Variants in ALOXE3 observed in about 807,000 individuals in gnomAD.
ALOXE3 encodes arachidonate epidermal lipoxygenase 3, also known as hydroperoxide isomerase ALOXE3.
Under a neutral mutation model 87.5 loss-of-function variants are expected in ALOXE3, and 78 were observed. That is an observed-to-expected ratio of 0.89 (90% CI 0.74 to 1.08). ALOXE3 has a LOEUF of 1.08. ALOXE3 is among the 50% of genes least tolerant of loss of function. ALOXE3 has a pLI of 0.00. For synonymous variants in ALOXE3, 363 were observed against 370.8 expected, an observed-to-expected ratio of 0.98 and a Z score of 0.24; for missense variants, 946 against 912.4, an observed-to-expected ratio of 1.04 and a Z score of -0.47.
intron 4 of ALOXE3, 39 bp from the exon 5 acceptor site, chr17:8,115,096 C>T (rs544794885): frequency 8.7e-6 from 14 of 1,613,240 alleles, no homozygotes; most frequent in Admixed American, 1.7e-5. Flanking sequence ...AGGTCATGCT[C>T]GGGATAAACA....
At position 8,103,364 on chromosome 17, in the gene ALOXE3, G is replaced by C; in HGVS notation, c.1915C>G (p.Leu639Val). ...LPEVNISCNN[L>V]LLFWLVSQEP... ...TGGCTAACCAACCAGAAGAGGAGGA[G>C]GTTGTTACAGCTGATGTTCACTTCA... is the stretch of plus-strand genomic sequence containing the variant. The change falls in exon 15 of 16, where the codon CTC (leucine) becomes GTC (valine). Residue 639 changes from leucine to valine, a missense_variant. Physicochemically the swap from Leu to Val is conservative, Grantham distance 32 (BLOSUM62 1). Transcript: ENST00000448843. 1 of 1,614,084 alleles carries C rather than the reference G, an allele frequency of 6.2e-7. No homozygotes were observed. Among genetic ancestry groups the C allele is most frequent in the Non-Finnish European group, 8.5e-7 (1 of 1,180,004 alleles).
At position 8,095,918 on chromosome 17, in the gene ALOXE3, G is replaced by C. The variant is rs1351456498; in HGVS notation, c.*709C>G. The C allele has an allele frequency of 6.6e-6, 1 of 152,182 alleles. No individual in the cohort carries two copies. The highest frequency in any genetic ancestry group is 6.6e-5 in the Admixed American group (1 of 15,236). The allele number at this position is 152,182 out of a possible 1,614,324, so 9.4% of individuals were successfully genotyped here. On this transcript the variant is annotated 3_prime_UTR_variant, in exon 16 of 16. Coordinates refer to ENST00000448843, the MANE Select transcript of ALOXE3 (RefSeq NM_021628.3). The stretch of plus-strand genomic sequence containing the variant: ...AACAAAATGAGAGCCAAATATTTTG[G>C]TTTTTATTGAACTCACTGGGCTCAA...
chr17:8,118,402 C>A (rs775360997), intron 1 of ALOXE3, 84 bp downstream of exon 1: 1 of 1,550,966 alleles, frequency 6.4e-7, no homozygotes, highest in Admixed American at 2.0e-5. Flanking sequence ...CGGACTGATG[C>A]CCTGGAGTGC....
intron 8 of ALOXE3, 140 bp from the exon 9 acceptor site, chr17:8,110,668 G>T: frequency 8.1e-7 from 1 of 1,236,160 alleles, no homozygotes; most frequent in Non-Finnish European, 1.1e-6. Flanking sequence ...TGAATTAATG[G>T]CCAAAGTGGG....
chr17:8,110,460 G>C lies in ALOXE3; in HGVS notation c.1026C>G (p.Arg342=). The C allele has an allele frequency of 1.2e-6, 2 of 1,613,664 alleles. No homozygotes were observed. Among genetic ancestry groups the C allele is most frequent in the Non-Finnish European group, 1.7e-6 (2 of 1,179,756 alleles). The part of the protein sequence containing the change: ...AEAPTHCLNG[R]QQYVAAPLCL... The stretch of plus-strand genomic sequence containing the variant: ...ACAGTGGGGCGGCCACGTACTGCTG[G>C]CGGCCGTTTAGGCAGTGGGTGGGGG... The change falls in exon 9 of 16, where the codon CGC becomes CGG. Residue 342 remains arginine, a synonymous_variant. Coordinates refer to ENST00000448843, the MANE Select transcript of ALOXE3 (RefSeq NM_021628.3).
At chr17:8,102,267 G>T (rs1194131904) in intron 15 of ALOXE3, among the ~76,000 whole-genome samples, 2 of 152,158 alleles carry the variant, frequency 1.3e-5, no homozygotes, top group Non-Finnish European at 2.9e-5. Flanking sequence ...GGCCAAGATG[G>T]GTGGATCACA....
chr17:8,115,735 A>T (rs1476146153), intron 3 of ALOXE3, 47 bp from the exon 4 acceptor site: 11 of 1,571,050 alleles, frequency 7.0e-6, no homozygotes, highest in African/African-American at 1.4e-5. Context: ...TTTTCCAACA[A>T]CATCTTCTGC....
intron 13 of ALOXE3, among the ~76,000 whole-genome samples, chr17:8,106,509 G>C (rs1020876835): frequency 6.6e-6 from 1 of 151,908 alleles, no homozygotes; most frequent in African/African-American, 2.4e-5. Flanking sequence ...GCAAGACCCT[G>C]TCTCAAAAAA....
intron 3 of ALOXE3, 124 bp from the exon 4 acceptor site, chr17:8,115,812 C>T (rs574090919): frequency 4.7e-5 from 43 of 908,980 alleles, no homozygotes; most frequent in African/African-American, 3.9e-4. Context: ...AAACACGTGG[C>T]GGTGCCCCCA....
rs1169729616 is a variant in ALOXE3 at position 8,107,964 on chromosome 17, A to G, written c.1684+504T>C. ...AAGAAAGAAAGAAAGAAAGAAAGGAAGGAGAGAGAGAGAGAGAGAAAGAAA... is the reference window on the plus strand; with the variant it reads ...AAGAAAGAAAGAAAGAAAGAAAGGAGGGAGAGAGAGAGAGAGAGAAAGAAA... On this transcript the variant is annotated intron_variant, in intron 13 of 15. Transcript: ENST00000448843. Among the ~76,000 whole-genome samples the G allele has an allele frequency of 8.2e-3, 18 of 2,196 alleles. 7 individuals carry two copies. Among genetic ancestry groups the G allele is most frequent in the South Asian group, 0.064 (7 of 110 alleles). The allele number at this position is 2,196 out of a possible 152,430, so 1.4% of individuals were successfully genotyped here. A position where few individuals can be genotyped will look rare whatever the true frequency, so the allele number is the denominator to read the frequency against.
At chr17:8,109,130 A>G in intron 12 of ALOXE3, 44 bp downstream of exon 12, 2 of 1,608,386 alleles carry the variant, frequency 1.2e-6, no homozygotes, top group South Asian at 1.1e-5. Context: ...GTCCCAGGCC[A>G]GGAGACCCTG....
chr17:8,115,693 G>A lies in ALOXE3; in HGVS notation c.353-5C>T. Reference sequence around the variant, plus strand: ...AGTCCTGACAAATAGTTCTTGCTGTGGGGAATGAAAATTACTCTTGGTATA... The same window carrying A: ...AGTCCTGACAAATAGTTCTTGCTGTAGGGAATGAAAATTACTCTTGGTATA... On this transcript the variant is annotated splice_region_variant and splice_polypyrimidine_tract_variant and intron_variant, in intron 3 of 15. Transcript: ENST00000448843. The A allele has an allele frequency of 6.2e-7, 1 of 1,611,716 alleles. No individual in the cohort carries two copies. Among genetic ancestry groups the A allele is most frequent in the South Asian group, 1.1e-5 (1 of 91,028 alleles).
intron 13 of ALOXE3, among the ~76,000 whole-genome samples, chr17:8,107,293 G>C (rs1005912542): frequency 6.6e-6 from 1 of 152,216 alleles, no homozygotes; most frequent in African/African-American, 2.4e-5. Context: ...GAGGTGGGCA[G>C]ATCACCTGAG....
intron 15 of ALOXE3, among the ~76,000 whole-genome samples, chr17:8,101,716 A>G (rs913461313): frequency 1.3e-5 from 2 of 151,730 alleles, no homozygotes; most frequent in East Asian, 1.9e-4. Flanking sequence ...GGCTCACTGC[A>G]TTTTTTTACT....
In ALOXE3 at chr17:8,096,606, T is replaced by C; in HGVS notation, c.*21A>G. 9.2e-7 allele frequency: 1 copy of C among 1,083,288 alleles called. No homozygotes were observed. The highest frequency in any genetic ancestry group is 1.4e-6 in the Non-Finnish European group (1 of 695,388). The allele number at this position is 1,083,288 out of a possible 1,614,324, so 67.1% of individuals were successfully genotyped here. The stretch of plus-strand genomic sequence containing the variant: ...CTCATGCTTGGACCTTTCTTTCTTC[T>C]TGGGTGGTATTTGGGGGTGGTTAGA... On this transcript the variant is annotated 3_prime_UTR_variant, in exon 16 of 16. Transcript: ENST00000448843.
intron 8 of ALOXE3, among the ~76,000 whole-genome samples, chr17:8,111,057 A>T (rs1282449667): frequency 6.6e-6 from 1 of 152,074 alleles, no homozygotes; most frequent in East Asian, 1.9e-4. Context: ...AGGCCTCAGC[A>T]CCTCTTCAGG....
rs1457354017 is a variant in ALOXE3 at position 8,117,916 on chromosome 17, T to C, written c.75A>G (p.Thr25=). ...GGCTTTCACCACACGTGCCCACCAG[T>C]GTGACAGAGATGTTGTCCAGTGTGC... is the stretch of plus-strand genomic sequence containing the variant. ...RAGTLDNISV[T]LVGTCGESPK... Residue 25 remains threonine, a synonymous_variant, in exon 2 of 16, where the codon ACA becomes ACG. Coordinates refer to ENST00000448843, the MANE Select transcript of ALOXE3 (RefSeq NM_021628.3). 1 of 1,612,288 alleles carries C rather than the reference T, an allele frequency of 6.2e-7. No homozygotes were observed. The highest frequency in any genetic ancestry group is 1.1e-5 in the South Asian group (1 of 90,742).
At position 8,115,188 on chromosome 17, in the gene ALOXE3, C is replaced by T. The variant is rs3027215; in HGVS notation, c.435-131G>A. On this transcript the variant is annotated intron_variant, in intron 4 of 15. Transcript: ENST00000448843. ...TCTGGATGAGTGACAAGGAATTGGA[C>T]ATTTCTCCATGAAAGCACTGGCTTC... 127,307 of 1,285,510 alleles carry T rather than the reference C, an allele frequency of 0.099. 6,964 individuals carry two copies. The highest frequency in any genetic ancestry group is 0.19 in the African/African-American group (12,737 of 68,042). The allele number at this position is 1,285,510 out of a possible 1,614,324, so 79.6% of individuals were successfully genotyped here. A position where few individuals can be genotyped will look rare whatever the true frequency, so the allele number is the denominator to read the frequency against.
chr17:8,110,052 C>A, intron 10 of ALOXE3, 40 bp downstream of exon 10: 12 of 1,583,156 alleles, frequency 7.6e-6, no homozygotes, highest in Non-Finnish European at 1.0e-5. Flanking sequence ...CAAGGCCGCC[C>A]GGCCCCTGCC....
Sources: gnomAD v4.1 joint callset for allele counts (sites outside exome capture counted in the v4.1 genomes callset) on GRCh38, gnomAD v4.1.1 for gene constraint, MANE v1.5 for transcripts, NCBI Gene and HGNC (gene_info 2026-07-23, HGNC 2026-07-21) for gene names.